LAIR1: variants seen among roughly 807,000 people sequenced by gnomAD.
LAIR1 encodes leukocyte-associated immunoglobulin-like receptor 1.
A neutral mutation model predicts 32.8 loss-of-function variants in LAIR1; 24 were observed. That is an observed-to-expected ratio of 0.73 (90% CI 0.53 to 1.03). LAIR1 has a LOEUF of 1.03. LAIR1 is among the 50% of genes least tolerant of loss of function. The probability of loss-of-function intolerance (pLI) is 0.00; values close to 1 mark genes in which losing one functional copy is unlikely to be tolerated. For synonymous variants in LAIR1, 150 were observed against 140.5 expected, an observed-to-expected ratio of 1.07 and a Z score of -0.48; for missense variants, 355 against 347.5, an observed-to-expected ratio of 1.02 and a Z score of -0.17.
rs186733307 is a variant in LAIR1, at chr19:54,364,025, A to G, written c.70+270T>C. On this transcript the variant is annotated intron_variant, in intron 2 of 9. Coordinates refer to ENST00000391742, the MANE Select transcript of LAIR1 (RefSeq NM_002287.6). The surrounding 1 kb of genome is among the most constrained non-coding windows in gnomAD (Gnocchi z 4.8). ...TCTTTCCACAATGTGTACATACGTC[A>G]TAATATCACACTGTACCCCGCAAAT... is the stretch of plus-strand genomic sequence containing the variant. 1.4e-3 allele frequency among the ~76,000 whole-genome samples: 216 copies of G among 152,254 alleles called. No homozygotes were observed. The highest frequency in any genetic ancestry group is 2.3e-3 in the Non-Finnish European group (158 of 68,028).
chr19:54,356,490 C>A lies in LAIR1; in HGVS notation c.583+1G>T. On this transcript the variant is annotated splice_donor_variant, in intron 6 of 9. Coordinates refer to ENST00000391742, the MANE Select transcript of LAIR1 (RefSeq NM_002287.6). LOFTEE classifies it high-confidence loss of function. Reference sequence around the variant, plus strand: ...CACCCCACCCTGCCCCTGAGACCTACCCTGCTTTATCTGATTCTGGCGATG... The same window carrying A: ...CACCCCACCCTGCCCCTGAGACCTAACCTGCTTTATCTGATTCTGGCGATG... 1 of 1,613,948 alleles carries A rather than the reference C, an allele frequency of 6.2e-7. No homozygotes were observed. Among genetic ancestry groups the A allele is most frequent in the Non-Finnish European group, 8.5e-7 (1 of 1,179,972 alleles).
At chr19:54,367,032 A>C (rs2082279331), upstream of LAIR1, among the ~76,000 whole-genome samples, 1 of 152,336 alleles carries the variant, frequency 6.6e-6, no homozygotes, top group Non-Finnish European at 1.5e-5. Flanking sequence ...TGCATAACTA[A>C]GAGGGAGTCA....
chr19:54,363,305 A>G (rs1475964178), intron 2 of LAIR1, among the ~76,000 whole-genome samples: 4 of 151,822 alleles, frequency 2.6e-5, no homozygotes, highest in African/African-American at 9.7e-5. Context: ...ACTGGGTGAC[A>G]TGGTGCATCC....
chr19:54,373,988 G>A (rs1392349530), upstream of LAIR1, among the ~76,000 whole-genome samples: 2 of 152,090 alleles, frequency 1.3e-5, no homozygotes, highest in Non-Finnish European at 2.9e-5. Context: ...ATAGTGTTAT[G>A]AACAGTCACA....
At chr19:54,370,569 C>A (rs867579925), upstream of LAIR1, 2 of 334,824 alleles carry the variant, frequency 6.0e-6, no homozygotes, top group Admixed American at 9.3e-5. Flanking sequence ...GGGTCAGGAA[C>A]GGAGCAAAAC....
At chr19:54,358,905 CT>C (rs2081868378) in intron 4 of LAIR1, among the ~76,000 whole-genome samples, 1 of 151,952 alleles carries the variant, frequency 6.6e-6, no homozygotes, top group African/African-American at 2.4e-5. Flanking sequence ...TCCTCGTGAC[CT>C]TTATATGTCA....
Position 54,356,224 on chromosome 19 carries a change from C to G in LAIR1, c.664+6G>C. The G allele has an allele frequency of 6.2e-7, 1 of 1,613,118 alleles. No individual in the cohort carries two copies. The highest frequency in any genetic ancestry group is 8.5e-7 in the Non-Finnish European group (1 of 1,179,568). On this transcript the variant is annotated splice_donor_region_variant and intron_variant, in intron 8 of 9. Transcript: ENST00000391742. ...CCCAGGCCTGTCCCTCCTCCTCCCC[C>G]TTTACCTGCTGTCCTCTCTAGAACA...
rs748369101 is a variant in LAIR1, at chr19:54,356,636, C to G, written c.455-17G>C. 1.2e-6 allele frequency: 2 copies of G among 1,613,056 alleles called. No homozygotes were observed. Among genetic ancestry groups the G allele is most frequent in the East Asian group, 4.5e-5 (2 of 44,886 alleles). ...CAGGTGCATCTAAGAAAGACAGAAA[C>G]AGGATTTCAGCAGTGTGCATTTATT... On this transcript the variant is annotated splice_polypyrimidine_tract_variant and intron_variant, in intron 5 of 9. Transcript: ENST00000391742.
chr19:54,358,503 G>T, intron 4 of LAIR1: 1 of 1,577,846 alleles, frequency 6.3e-7, no homozygotes, highest in Non-Finnish European at 8.7e-7. Context: ...GCATGTATGG[G>T]AATCAGTGCA....
At chr19:54,361,479 G>A (rs2082021837) in intron 2 of LAIR1, among the ~76,000 whole-genome samples, 1 of 151,844 alleles carries the variant, frequency 6.6e-6, no homozygotes. Context: ...GGGAAGTGTC[G>A]GAGCAGCCTG....
At chr19:54,369,130 CA>C (rs769890440), upstream of LAIR1, among the ~76,000 whole-genome samples, 782 of 132,886 alleles carry the variant, frequency 5.9e-3, 7 homozygotes, top group African/African-American at 5.5e-3. Flanking sequence ...GCACATCCGC[CA>C]AAAAAAAAAA....
chr19:54,373,241 G>A (rs1259266472), upstream of LAIR1, among the ~76,000 whole-genome samples: 1 of 151,216 alleles, frequency 6.6e-6, no homozygotes, highest in African/African-American at 2.5e-5. Context: ...AGGTGATCGA[G>A]ACCATCCTGG....
intron 2 of LAIR1, among the ~76,000 whole-genome samples, chr19:54,362,487 A>C (rs1024670181): frequency 2.0e-5 from 3 of 152,134 alleles, no homozygotes; most frequent in Non-Finnish European, 2.9e-5. Context: ...GAATTGTCCA[A>C]ATCTGCAGCT....
upstream of LAIR1, chr19:54,368,075 T>C (rs2082310880): frequency 6.6e-6 from 1 of 152,132 alleles, no homozygotes; most frequent in South Asian, 2.1e-4. Context: ...CCTGGCCTAA[T>C]TTTTTGTAAT....
rs557567833 is a variant in LAIR1, at chr19:54,358,346, C to T, written c.416-1380G>A. 1.5e-3 allele frequency: 270 copies of T among 177,304 alleles called. 1 individual carries two copies. In the South Asian group the frequency reaches 0.025, roughly 17 times the overall value. The allele number at this position is 177,304 out of a possible 1,614,324, so 11.0% of individuals were successfully genotyped here. On this transcript the variant is annotated intron_variant, in intron 4 of 9. Coordinates refer to ENST00000391742, the MANE Select transcript of LAIR1 (RefSeq NM_002287.6). ...CACTATAGTCATATGTAGTGATACA[C>T]TAACATGTTTTATTATATAATTATC... is the stretch of plus-strand genomic sequence containing the variant.
upstream of LAIR1, among the ~76,000 whole-genome samples, chr19:54,371,812 A>G (rs1257650700): frequency 6.6e-6 from 1 of 151,408 alleles, no homozygotes; most frequent in Non-Finnish European, 1.5e-5. Context: ...CTCTTGTCCA[A>G]GCCTTTTATT....
rs916124997 is a variant in LAIR1, at chr19:54,370,237, G to A, written c.16+25C>T. 26 of 1,419,428 alleles carry A rather than the reference G, an allele frequency of 1.8e-5. 1 individual carries two copies. In the African/African-American group the frequency reaches 3.5e-4, roughly 19 times the overall value. The allele number at this position is 1,419,428 out of a possible 1,614,324, so 87.9% of individuals were successfully genotyped here. On this transcript the variant is annotated intron_variant, in intron 1 of 8. Coordinates refer to the LAIR1 transcript ENST00000391743. ...TTGTTCAGCCAAAAAAGCAACCTGA[G>A]GGTGGTGTGGTAGCAGGGACTCACC... is the stretch of plus-strand genomic sequence containing the variant.
upstream of LAIR1, among the ~76,000 whole-genome samples, chr19:54,369,447 T>G (rs71365458): frequency 1.4e-4 from 21 of 151,356 alleles, 1 homozygote; most frequent in Non-Finnish European, 2.2e-4. Context: ...ACAGAACACA[T>G]GGGCAGTTAT....
rs754801508 is a variant in LAIR1, at chr19:54,364,789, T to C, written c.16A>G (p.Thr6Ala). 1.9e-5 allele frequency: 30 copies of C among 1,613,732 alleles called. No homozygotes were observed. Among genetic ancestry groups the C allele is most frequent in the Middle Eastern group, 3.3e-4 (2 of 6,080 alleles). MSPHPTALLGLVLCLA... is the reference protein window; with the variant it reads MSPHPAALLGLVLCLA... ...GACTCACCTAGGCCCAGGAGGGCGG[T>C]GGGGTGGGGAGACATGGCCCAGGTC... Residue 6 changes from threonine to alanine, a missense_variant, in exon 1 of 10, where the codon ACC becomes GCC. Coordinates refer to ENST00000391742, the MANE Select transcript of LAIR1 (RefSeq NM_002287.6). The surrounding 1 kb of genome is among the most constrained non-coding windows in gnomAD (Gnocchi z 4.8).
Sources: gnomAD v4.1 joint callset for allele counts (sites outside exome capture counted in the v4.1 genomes callset) on GRCh38, gnomAD v4.1.1 for gene constraint, Gnocchi (gnomAD v3.1) non-coding constraint, MANE v1.5 for transcripts, NCBI Gene and HGNC (gene_info 2026-07-23, HGNC 2026-07-21) for gene names.